The following RNF169 variants were observed in gnomAD, a reference collection of about 807,000 sequenced individuals.
RNF169 encodes the protein ring finger protein 169, also known as E3 ubiquitin-protein ligase RNF169.
A neutral mutation model predicts 53.9 loss-of-function variants in RNF169; 24 were observed. That is an observed-to-expected ratio of 0.45 (90% CI 0.32 to 0.63). RNF169 has a LOEUF of 0.63. Among genes scored for constraint, RNF169 ranks in the 20% least tolerant of loss-of-function variants. RNF169 has a pLI of 0.04. For missense variants in RNF169, 883 were observed against 906.2 expected (o/e 0.97, Z 0.33); for synonymous variants, 396 against 363.5 (o/e 1.09, Z -1.02).
intron 1 of RNF169, among the ~76,000 whole-genome samples, chr11:74,785,210 GATAT>G (rs956483894): frequency 9.5e-5 from 6 of 63,358 alleles, no homozygotes; most frequent in African/African-American, 3.0e-4. Context: ...ATATATATAT[GATAT>G]ATATATGTTA....
chr11:74,828,163 A>G (rs2036126481), intron 4 of RNF169, among the ~76,000 whole-genome samples: 1 of 152,220 alleles, frequency 6.6e-6, no homozygotes, highest in Non-Finnish European at 1.5e-5. Context: ...TTGTACAAAA[A>G]TCACTAGCAT....
intron 1 of RNF169, among the ~76,000 whole-genome samples, chr11:74,776,519 A>G (rs2035338458): frequency 6.6e-6 from 1 of 151,688 alleles, no homozygotes; most frequent in African/African-American, 2.4e-5. Context: ...GCCAAAAAAA[A>G]AAAAAAAAAA....
At chr11:74,799,343 C>T (rs2035696958) in intron 2 of RNF169, among the ~76,000 whole-genome samples, 1 of 151,884 alleles carries the variant, frequency 6.6e-6, no homozygotes, top group African/African-American at 2.4e-5. Flanking sequence ...GTTCAGAATC[C>T]AAGAACATTA....
intron 1 of RNF169, among the ~76,000 whole-genome samples, chr11:74,777,362 G>C (rs756095361): frequency 6.6e-6 from 1 of 152,142 alleles, no homozygotes; most frequent in Non-Finnish European, 1.5e-5. Flanking sequence ...TTGTATCATG[G>C]TGGTGGTAGA....
chr11:74,761,615 C>T (rs762951962), intron 1 of RNF169, among the ~76,000 whole-genome samples: 1,599 of 152,196 alleles, frequency 0.011, 13 homozygotes, highest in Non-Finnish European at 0.017. Flanking sequence ...AAAATTCTTT[C>T]CTTTAAGAAT....
intron 1 of RNF169, among the ~76,000 whole-genome samples, chr11:74,775,588 T>C: frequency 6.6e-6 from 1 of 152,144 alleles, no homozygotes; most frequent in Non-Finnish European, 1.5e-5. Flanking sequence ...TGGAATATCG[T>C]AAGCTTTTTG....
chr11:74,759,330 GAA>G (rs1405009657), intron 1 of RNF169, among the ~76,000 whole-genome samples: 21 of 139,418 alleles, frequency 1.5e-4, no homozygotes, highest in Non-Finnish European at 2.9e-4. Flanking sequence ...GCCCTGGCCA[GAA>G]CTTCCAACAC....
chr11:74,755,045 A>G (rs2034960681), intron 1 of RNF169, among the ~76,000 whole-genome samples: 1 of 152,224 alleles, frequency 6.6e-6, no homozygotes, highest in Non-Finnish European at 1.5e-5. Context: ...ACTAATGAAT[A>G]ATGAAACCAT....
rs749118015 is a variant in RNF169, at chr11:74,748,896, C to T, written c.16C>T (p.Pro6Ser). ...GGGAAACAAGATGGCGGCTGCAGGT[C>T]CGAGTACTCGGGCCTCTTCCGCGGC... MAAAG[P>S]STRASSAAAA... Residue 6 changes from proline (P) to serine (S), a missense_variant, in exon 1 of 6, where the codon CCG becomes TCG. Coordinates refer to ENST00000299563, the MANE Select transcript of RNF169 (RefSeq NM_001098638.2). The T allele has an allele frequency of 4.0e-5, 58 of 1,435,800 alleles. No homozygotes were observed. The highest frequency in any genetic ancestry group is 5.1e-5 in the Non-Finnish European group (55 of 1,083,302). 88.9% of individuals were successfully genotyped at this position (1,435,800 alleles called of 1,614,324 possible). A position where few individuals can be genotyped will look rare whatever the true frequency, so the allele number is the denominator to read the frequency against.
intron 1 of RNF169, among the ~76,000 whole-genome samples, chr11:74,764,778 A>G (rs926386796): frequency 2.0e-5 from 3 of 152,186 alleles, no homozygotes; most frequent in Non-Finnish European, 4.4e-5. Context: ...TAAAACTAAA[A>G]TACTAGGCAA....
intron 1 of RNF169, among the ~76,000 whole-genome samples, chr11:74,776,051 A>G (rs1166336368): frequency 1.3e-5 from 2 of 152,092 alleles, no homozygotes; most frequent in Middle Eastern, 3.2e-3. Flanking sequence ...ACCAGAGCCA[A>G]GTATAATATG....
chr11:74,821,243 A>G (rs561900304), intron 4 of RNF169, among the ~76,000 whole-genome samples: 84 of 152,246 alleles, frequency 5.5e-4, no homozygotes, highest in Non-Finnish European at 9.8e-4. Context: ...CATGGTTGCT[A>G]CAGAGAAAAG....
At chr11:74,802,367 T>A (rs2035742669) in intron 2 of RNF169, among the ~76,000 whole-genome samples, 1 of 152,222 alleles carries the variant, frequency 6.6e-6, no homozygotes, top group African/African-American at 2.4e-5. Flanking sequence ...TAGTCCAGGC[T>A]GGGCGTGGTG....
chr11:74,814,254 C>A (rs962105444), intron 3 of RNF169, among the ~76,000 whole-genome samples: 8 of 151,824 alleles, frequency 5.3e-5, no homozygotes, highest in Non-Finnish European at 1.0e-4. Context: ...TGCTTGAACC[C>A]GGGAGGTGGA....
Position 74,749,057 on chromosome 11 carries a change from G to A in RNF169, c.177G>A (p.Leu59=), listed in dbSNP as rs1270242872. ...CGCCGCCGTTGCTGCAGCCGCCGCT[G>A]CCGCCGCGGCCGGAGGAATCGGGCT... The part of the protein sequence containing the change: ...VLSPPLLQPP[L]PPRPEESGCA... Residue 59 remains leucine (L), a synonymous_variant, in exon 1 of 6, where the codon CTG becomes CTA. Coordinates refer to ENST00000299563, the MANE Select transcript of RNF169 (RefSeq NM_001098638.2). 8.9e-6 allele frequency: 13 copies of A among 1,467,370 alleles called. No individual in the cohort carries two copies. Among genetic ancestry groups the A allele is most frequent in the Non-Finnish European group, 1.1e-5 (12 of 1,108,416 alleles). The allele number at this position is 1,467,370 out of a possible 1,614,324, so 90.9% of individuals were successfully genotyped here. A position where few individuals can be genotyped will look rare whatever the true frequency, so the allele number is the denominator to read the frequency against.
At chr11:74,780,310 A>T (rs1227739875) in intron 1 of RNF169, among the ~76,000 whole-genome samples, 1 of 151,358 alleles carries the variant, frequency 6.6e-6, no homozygotes, top group Non-Finnish European at 1.5e-5. Context: ...TTCCCTCTTT[A>T]CTCTCTTAAT....
At chr11:74,825,776 C>G (rs1591430355) in intron 4 of RNF169, among the ~76,000 whole-genome samples, 1 of 152,316 alleles carries the variant, frequency 6.6e-6, no homozygotes, top group East Asian at 1.9e-4. Context: ...CCAAATCCAG[C>G]AGCACATCAA....
At chr11:74,751,856 A>T (rs1321062570) in intron 1 of RNF169, among the ~76,000 whole-genome samples, 1 of 152,188 alleles carries the variant, frequency 6.6e-6, no homozygotes, top group Non-Finnish European at 1.5e-5. Flanking sequence ...TCTTGTAGTT[A>T]TATACAGTAT....
rs573854102 is a variant in RNF169 at position 74,765,211 on chromosome 11, C to T, written c.502+15829C>T. 1.4e-4 allele frequency among the ~76,000 whole-genome samples: 21 copies of T among 152,216 alleles called. No individual in the cohort carries two copies. The South Asian group carries it at 3.3e-3, about 24-fold the overall frequency. On this transcript the variant is annotated intron_variant, in intron 1 of 5. Coordinates refer to ENST00000299563, the MANE Select transcript of RNF169 (RefSeq NM_001098638.2). ...GTGACAGAGCGAGATCCTGTCTCAA[C>T]GAATGGGGTTAATCCTGAAAAGAAA...
Sources: gnomAD v4.1 joint callset for allele counts (sites outside exome capture counted in the v4.1 genomes callset) on GRCh38, gnomAD v4.1.1 for gene constraint, MANE v1.5 for transcripts, NCBI Gene and HGNC (gene_info 2026-07-23, HGNC 2026-07-21) for gene names.